Variants in FBXW7 observed in about 807,000 individuals in gnomAD.
The protein encoded by FBXW7 is F-box and WD repeat domain containing 7, also known as F-box/WD repeat-containing protein 7.
Under a neutral mutation model 86.3 loss-of-function variants are expected in FBXW7, and 11 were observed. That is an observed-to-expected ratio of 0.13 (90% confidence interval 0.08 to 0.21). The LOEUF (loss-of-function observed/expected upper bound fraction) is 0.21, where lower values mean the gene tolerates loss of function less well. Among genes scored for constraint, FBXW7 ranks in the 10% least tolerant of loss-of-function variants. The probability of loss-of-function intolerance (pLI) is 1.00; values close to 1 mark genes in which losing one functional copy is unlikely to be tolerated. For missense variants in FBXW7, 488 were observed against 847.4 expected (o/e 0.58, Z 5.27); for synonymous variants, 313 against 297.9 (o/e 1.05, Z -0.52).
At chr4:152,466,318 G>C (rs1743434830) in intron 2 of FBXW7, among the ~76,000 whole-genome samples, 1 of 152,192 alleles carries the variant, frequency 6.6e-6, no homozygotes, top group Non-Finnish European at 1.5e-5. Flanking sequence ...CACTTTGGGA[G>C]GCAGAGGCAG....
chr4:152,471,223 T>A (rs532147785), intron 2 of FBXW7, among the ~76,000 whole-genome samples: 1 of 151,726 alleles, frequency 6.6e-6, no homozygotes, highest in East Asian at 1.9e-4. Context: ...GACCTATATA[T>A]ATAAAATTTT....
intron 6 of FBXW7, among the ~76,000 whole-genome samples, chr4:152,340,121 T>C (rs947399929): frequency 6.6e-6 from 1 of 152,140 alleles, no homozygotes; most frequent in African/African-American, 2.4e-5. Context: ...AAATTATGCC[T>C]GTATAACAAA....
chr4:152,517,100 C>T (rs567270589), intron 2 of FBXW7, among the ~76,000 whole-genome samples: 9 of 152,276 alleles, frequency 5.9e-5, no homozygotes, highest in East Asian at 1.9e-4. Flanking sequence ...TAGGATTATA[C>T]GCATGAGCTA....
chr4:152,361,965 CAA>C (rs569330155), intron 4 of FBXW7, among the ~76,000 whole-genome samples: 1 of 37,114 alleles, frequency 2.7e-5, no homozygotes, highest in African/African-American at 1.0e-4. Flanking sequence ...GACTCCATCT[CAA>C]AAAAAAAAAA....
chr4:152,390,293 A>G (rs1735890591), intron 4 of FBXW7, among the ~76,000 whole-genome samples: 1 of 152,068 alleles, frequency 6.6e-6, no homozygotes, highest in African/African-American at 2.4e-5. Flanking sequence ...TACTTAAGAT[A>G]AAACAAAAAT....
At chr4:152,402,541 C>T (rs558862779) in intron 4 of FBXW7, among the ~76,000 whole-genome samples, 2 of 152,182 alleles carry the variant, frequency 1.3e-5, no homozygotes, top group African/African-American at 4.8e-5. Flanking sequence ...AATTTCCAAA[C>T]GTTAACAAAA....
chr4:152,429,966 TTTG>T (rs138677761), intron 2 of FBXW7, among the ~76,000 whole-genome samples: 2,752 of 152,214 alleles, frequency 0.018, 32 homozygotes, highest in Middle Eastern at 0.037. Context: ...ATTTTATGGC[TTTG>T]TTGTTGTTGT....
At position 152,411,847 on chromosome 4, in the gene FBXW7, T is replaced by A. The variant is rs957429887; in HGVS notation, c.-44A>T. On this transcript the variant is annotated 5_prime_UTR_variant, in exon 4 of 14. Coordinates refer to ENST00000281708, the MANE Select transcript of FBXW7 (RefSeq NM_001349798.2). ...TACTTCTTGGACCTTGGCTAGACTA[T>A]CAGAAGATGCAAAGGTTTTCACATT... 2 of 1,530,404 alleles carry A rather than the reference T, an allele frequency of 1.3e-6. No individual in the cohort carries two copies. The highest frequency in any genetic ancestry group is 1.8e-6 in the Non-Finnish European group (2 of 1,139,502). 94.8% of individuals were successfully genotyped at this position (1,530,404 alleles called of 1,614,324 possible). A position where few individuals can be genotyped will look rare whatever the true frequency, so the allele number is the denominator to read the frequency against.
intron 4 of FBXW7, among the ~76,000 whole-genome samples, chr4:152,351,786 A>T (rs949059722): frequency 2.6e-5 from 4 of 152,148 alleles, no homozygotes; most frequent in African/African-American, 9.6e-5. Context: ...ACCTTGTAAA[A>T]AACATTGGTG....
rs2126649424 is a variant in FBXW7 at position 152,350,065 on chromosome 4, T to A, written c.561A>T (p.Pro187=). 1 of 1,560,962 alleles carries A rather than the reference T, an allele frequency of 6.4e-7. No individual in the cohort carries two copies. Among genetic ancestry groups the A allele is most frequent in the Non-Finnish European group, 8.7e-7 (1 of 1,147,440 alleles). The change falls in exon 5 of 14, where the codon CCA becomes CCT. Residue 187 remains proline (P), a synonymous_variant. Transcript: ENST00000281708. ...EVRSFSLGKK[P]CKVSEYTSTT... ...ACCTTGTATATTCTGAGACTTTGCA[T>A]GGTTTCTTTCCCAAAGAAAAAGAGC... is the stretch of plus-strand genomic sequence containing the variant.
At chr4:152,452,020 G>C (rs1159228617) in intron 2 of FBXW7, among the ~76,000 whole-genome samples, 2 of 151,922 alleles carry the variant, frequency 1.3e-5, no homozygotes, top group Non-Finnish European at 2.9e-5. Context: ...TCTGTCTCTT[G>C]AGTATACACA....
chr4:152,534,550 G>A (rs1750315433), intron 2 of FBXW7, among the ~76,000 whole-genome samples: 1 of 152,020 alleles, frequency 6.6e-6, no homozygotes, highest in Admixed American at 6.6e-5. Flanking sequence ...TCTCATTCGG[G>A]AACCTATATG....
rs72955033 is a variant in FBXW7 at position 152,358,307 on chromosome 4, A to G, written c.502-8183T>C. Among the ~76,000 whole-genome samples, 862 of 151,968 alleles carry G rather than the reference A, an allele frequency of 5.7e-3. 11 individuals are homozygous for G. The highest frequency in any genetic ancestry group is 0.02 in the African/African-American group (831 of 41,444). On this transcript the variant is annotated intron_variant, in intron 4 of 13. Transcript: ENST00000281708. ...TCAATATAAGGCCTAAACCCTATTC[A>G]CTCTTCTGCTTTCTTTACACAAATC... is the stretch of plus-strand genomic sequence containing the variant.
intron 2 of FBXW7, among the ~76,000 whole-genome samples, chr4:152,438,215 A>G (rs1740561809): frequency 1.3e-5 from 2 of 152,322 alleles, no homozygotes; most frequent in African/African-American, 2.4e-5. Flanking sequence ...TAAGGTATGC[A>G]CACTTTTTAG....
chr4:152,517,275 A>G (rs1748583726), intron 2 of FBXW7, among the ~76,000 whole-genome samples: 1 of 152,200 alleles, frequency 6.6e-6, no homozygotes, highest in Non-Finnish European at 1.5e-5. Flanking sequence ...GGAGGCAATC[A>G]TCCAGTTTCT....
At chr4:152,534,325 C>CTCTT (rs1307821505) in intron 2 of FBXW7, among the ~76,000 whole-genome samples, 1 of 151,800 alleles carries the variant, frequency 6.6e-6, no homozygotes, top group African/African-American at 2.4e-5. Flanking sequence ...GTGATAAATG[C>CTCTT]TCTTCCCCAA....
chr4:152,464,744 C>G (rs1743253237), intron 2 of FBXW7, among the ~76,000 whole-genome samples: 1 of 152,110 alleles, frequency 6.6e-6, no homozygotes, highest in Non-Finnish European at 1.5e-5. Flanking sequence ...TTGGAAATCT[C>G]AGGTATTCAA....
intron 2 of FBXW7, among the ~76,000 whole-genome samples, chr4:152,492,368 G>A (rs1446059663): frequency 6.6e-6 from 1 of 152,264 alleles, no homozygotes; most frequent in South Asian, 2.1e-4. Context: ...GTTTTTTGTG[G>A]ACATGTTTTC....
At position 152,320,748 on chromosome 4, in the gene FBXW7, T is replaced by C. The variant is rs562623843; in HGVS notation, c.*2133A>G. The stretch of plus-strand genomic sequence containing the variant: ...TCTTTGGAAATATGGGTTTGAGTTC[T>C]GGCATTCCGCTAGTTCTATGATTTG... On this transcript the variant is annotated 3_prime_UTR_variant, in exon 14 of 14. Coordinates refer to ENST00000281708, the MANE Select transcript of FBXW7 (RefSeq NM_001349798.2). 6 of 152,252 alleles carry C rather than the reference T, an allele frequency of 3.9e-5. No individual in the cohort carries two copies. The South Asian group carries it at 1.2e-3, about 32-fold the overall frequency. 9.4% of individuals were successfully genotyped at this position (152,252 alleles called of 1,614,324 possible).
Sources: allele counts gnomAD v4.1 joint callset (sites outside exome capture counted in the v4.1 genomes callset), GRCh38; gene constraint gnomAD v4.1.1; transcripts MANE v1.5; gene names NCBI Gene and HGNC (gene_info 2026-07-23, HGNC 2026-07-21).